GDPD1: variants seen among roughly 807,000 people sequenced by gnomAD.
GDPD1 encodes the protein lysophospholipase D GDPD1.
A neutral mutation model predicts 45.1 loss-of-function variants in GDPD1; 28 were observed. The observed-to-expected ratio is 0.62, with a 90% CI of 0.46 to 0.85. GDPD1 has a LOEUF of 0.85. Among genes scored for constraint, GDPD1 ranks in the 40% least tolerant of loss-of-function variants. GDPD1 has a pLI of 0.00. For missense variants in GDPD1, 256 were observed against 364.8 expected, an observed-to-expected ratio of 0.70 and a Z score of 2.43; for synonymous variants, 139 against 131.4, an observed-to-expected ratio of 1.06 and a Z score of -0.40.
At chr17:59,257,019 T>C in intron 4 of GDPD1, 103 bp from the exon 5 acceptor site, 1 of 534,170 alleles carries the variant, frequency 1.9e-6, no homozygotes, top group Non-Finnish European at 3.2e-6. Flanking sequence ...TACTTTTCCT[T>C]ATTTTATAAA....
chr17:59,243,493 A>G (rs980301359), intron 2 of GDPD1, among the ~76,000 whole-genome samples: 6 of 151,718 alleles, frequency 4.0e-5, no homozygotes, highest in African/African-American at 1.5e-4. Context: ...AACAAGAACG[A>G]AACTCAGTAC....
intron 1 of GDPD1, among the ~76,000 whole-genome samples, chr17:59,221,419 CTTTT>C (rs36143328): frequency 1.6e-5 from 2 of 126,890 alleles, no homozygotes; most frequent in Non-Finnish European, 1.6e-5. Flanking sequence ...AACCTTGCAT[CTTTT>C]TTTTTTTTTT....
chr17:59,222,264 T>C (rs1597956875), intron 1 of GDPD1, among the ~76,000 whole-genome samples: 1 of 152,142 alleles, frequency 6.6e-6, no homozygotes, highest in Non-Finnish European at 1.5e-5. Context: ...TGAAGTGCAG[T>C]GGCGCGATCT....
intron 1 of GDPD1, among the ~76,000 whole-genome samples, chr17:59,232,098 G>A (rs914087517): frequency 1.3e-5 from 2 of 152,136 alleles, no homozygotes; most frequent in African/African-American, 2.4e-5. Flanking sequence ...GCCATATGTC[G>A]ACAAAGTGAG....
intron 5 of GDPD1, 88 bp downstream of exon 5, chr17:59,257,328 A>C (rs2047317156): frequency 1.5e-6 from 1 of 686,022 alleles, no homozygotes; most frequent in Non-Finnish European, 2.5e-6. Context: ...TAGATTGATA[A>C]TGCTCAAGGA....
At chr17:59,271,392 G>T (rs2047442774) in intron 8 of GDPD1, among the ~76,000 whole-genome samples, 1 of 152,074 alleles carries the variant, frequency 6.6e-6, no homozygotes, top group Admixed American at 6.6e-5. Context: ...AGAAAAATTT[G>T]CTCTGCACCA....
intron 4 of GDPD1, among the ~76,000 whole-genome samples, chr17:59,249,826 G>A (rs2047239654): frequency 6.6e-6 from 1 of 152,112 alleles, no homozygotes; most frequent in Non-Finnish European, 1.5e-5. Context: ...TGAAACCTTG[G>A]TTAAATGTCA....
intron 4 of GDPD1, among the ~76,000 whole-genome samples, chr17:59,252,065 C>A (rs558878327): frequency 2.0e-5 from 3 of 148,812 alleles, no homozygotes; most frequent in African/African-American, 7.4e-5. Context: ...AAAGTGGTTC[C>A]GTTTTTTCTA....
intron 1 of GDPD1, among the ~76,000 whole-genome samples, chr17:59,222,505 CTTTTTTTTTTTTTT>C (rs149536097): frequency 4.8e-5 from 2 of 41,754 alleles, no homozygotes; most frequent in Admixed American, 6.7e-4. Flanking sequence ...AGTGCCCAGC[CTTTTTTTTTTTTTT>C]TTTTTTTTTT....
chr17:59,224,632 A>C (rs1029763718), intron 1 of GDPD1, among the ~76,000 whole-genome samples: 3 of 148,588 alleles, frequency 2.0e-5, no homozygotes, highest in African/African-American at 7.3e-5. Flanking sequence ...CTCAAAAAAA[A>C]AAAAAAACAA....
chr17:59,269,939 A>G lies in GDPD1; in HGVS notation c.711-997A>G, dbSNP rs758499009. Among the ~76,000 whole-genome samples, 20 of 152,192 alleles carry G rather than the reference A, an allele frequency of 1.3e-4. 1 individual carries two copies. The highest frequency in any genetic ancestry group is 2.1e-4 in the Non-Finnish European group (14 of 68,028). On this transcript the variant is annotated intron_variant, in intron 7 of 9. Transcript: ENST00000284116. ...CCTTTTAGAAGCAAATATTGTTGAA[A>G]TACAGACATAAGAACAAACTCCACA...
At chr17:59,228,875 G>C (rs1486677665) in intron 1 of GDPD1, among the ~76,000 whole-genome samples, 3 of 149,118 alleles carry the variant, frequency 2.0e-5, no homozygotes, top group Non-Finnish European at 4.4e-5. Context: ...GTGAGACCCT[G>C]TCTCAGAAAA....
At position 59,245,639 on chromosome 17, in the gene GDPD1, C is replaced by A. The variant is rs578144517; in HGVS notation, c.321+90C>A. On this transcript the variant is annotated intron_variant, in intron 3 of 9. Transcript: ENST00000284116. ...AATAGCGAATATCAGCAAAAAATTT[C>A]TAATATTATTTAAATACTGATTAAA... is the stretch of plus-strand genomic sequence containing the variant. The A allele has an allele frequency of 1.8e-4, 175 of 963,358 alleles. No homozygotes were observed. In the South Asian group the frequency reaches 2.4e-3, roughly 13 times the overall value. The allele number at this position is 963,358 out of a possible 1,614,324, so 59.7% of individuals were successfully genotyped here. A position where few individuals can be genotyped will look rare whatever the true frequency, so the allele number is the denominator to read the frequency against.
chr17:59,232,304 G>T lies in GDPD1; in HGVS notation c.143-2188G>T, dbSNP rs556272533. 2.6e-5 allele frequency among the ~76,000 whole-genome samples: 4 copies of T among 152,176 alleles called. No individual in the cohort carries two copies. In the East Asian group the frequency reaches 5.8e-4, roughly 22 times the overall value. The stretch of plus-strand genomic sequence containing the variant: ...CATCTCTACTAAAAATAAAAAATTA[G>T]CCGGGTGTGGTGGTATATGCCTGTA... On this transcript the variant is annotated intron_variant, in intron 1 of 9. Transcript: ENST00000284116.
At chr17:59,239,217 G>A (rs2047157322) in intron 2 of GDPD1, among the ~76,000 whole-genome samples, 1 of 152,196 alleles carries the variant, frequency 6.6e-6, no homozygotes, top group African/African-American at 2.4e-5. Flanking sequence ...TGGGAATAGT[G>A]ATACAACCTC....
chr17:59,255,784 T>TATATATATATATATATATATAC (rs1215280964), intron 4 of GDPD1, among the ~76,000 whole-genome samples: 24 of 58,098 alleles, frequency 4.1e-4, no homozygotes, highest in South Asian at 6.4e-4. Flanking sequence ...TATATATATA[T>TATATATATATATATATATATAC]ACGCGTATAT....
At chr17:59,222,516 T>C (rs2047014047) in intron 1 of GDPD1, among the ~76,000 whole-genome samples, 1 of 128,044 alleles carries the variant, frequency 7.8e-6, no homozygotes, top group African/African-American at 2.9e-5. Context: ...TTTTTTTTTT[T>C]TTTTTTTTTT....
chr17:59,256,164 A>C (rs2047307776), intron 4 of GDPD1, among the ~76,000 whole-genome samples: 1 of 151,774 alleles, frequency 6.6e-6, no homozygotes, highest in African/African-American at 2.4e-5. Context: ...AAAAACTACA[A>C]AAAAATTAGC....
intron 1 of GDPD1, among the ~76,000 whole-genome samples, chr17:59,223,282 T>C (rs570313964): frequency 2.0e-5 from 3 of 152,328 alleles, no homozygotes; most frequent in East Asian, 3.9e-4. Context: ...TTTGTGATAA[T>C]CTTATTAAAT....
Sources: gnomAD v4.1 joint callset for allele counts (sites outside exome capture counted in the v4.1 genomes callset) on GRCh38, gnomAD v4.1.1 for gene constraint, MANE v1.5 for transcripts, NCBI Gene and HGNC (gene_info 2026-07-23, HGNC 2026-07-21) for gene names.